The following ATXN1 variants were observed in gnomAD, a reference collection of about 807,000 sequenced individuals.
ATXN1 encodes the protein ataxin-1.
In ATXN1, 8 loss-of-function variants were observed where a neutral mutation model predicts 56.4. The ratio of observed to expected loss-of-function variants is 0.14; its 90% CI spans 0.08 to 0.26. ATXN1 has a LOEUF of 0.26. Among genes scored for constraint, ATXN1 ranks in the 10% least tolerant of loss-of-function variants. The pLI, the probability that ATXN1 is intolerant of heterozygous loss-of-function variation, is 1.00. For synonymous variants in ATXN1, 514 were observed against 494.6 expected, an observed-to-expected ratio of 1.04 and a Z score of -0.52; for missense variants, 987 against 1,106.5, an observed-to-expected ratio of 0.89 and a Z score of 1.53.
At chr6:16,729,191 T>G (rs1708243920) in intron 2 of ATXN1, among the ~76,000 whole-genome samples, 1 of 152,200 alleles carries the variant, frequency 6.6e-6, no homozygotes, top group African/African-American at 2.4e-5. Context: ...GATTAAAAAT[T>G]ATGACCTCTG....
At chr6:16,445,068 TA>T (rs1262816050) in intron 6 of ATXN1, among the ~76,000 whole-genome samples, 4 of 151,944 alleles carry the variant, frequency 2.6e-5, no homozygotes, top group Non-Finnish European at 5.9e-5. Context: ...TGATACCGAG[TA>T]GTGTAAAAGA....
At chr6:16,735,057 C>CAATG (rs1384299921) in intron 2 of ATXN1, among the ~76,000 whole-genome samples, 3 of 152,110 alleles carry the variant, frequency 2.0e-5, no homozygotes, top group Non-Finnish European at 4.4e-5. Flanking sequence ...GCAAGTTCTA[C>CAATG]AATGACACAG....
At chr6:16,524,680 C>A (rs1761357182) in intron 4 of ATXN1, among the ~76,000 whole-genome samples, 1 of 152,220 alleles carries the variant, frequency 6.6e-6, no homozygotes, top group South Asian at 2.1e-4. Context: ...AAGGCATTAT[C>A]ACCATTTGGC....
chr6:16,576,614 G>A (rs557442137), intron 4 of ATXN1, among the ~76,000 whole-genome samples: 87 of 152,258 alleles, frequency 5.7e-4, no homozygotes, highest in African/African-American at 2.0e-3. Context: ...AAATACTGCC[G>A]AAAGGAATTT....
chr6:16,682,530 A>G (rs1047799316), intron 2 of ATXN1, among the ~76,000 whole-genome samples: 8 of 152,084 alleles, frequency 5.3e-5, no homozygotes, highest in African/African-American at 1.9e-4. Flanking sequence ...ATAGACTTAC[A>G]TGTTTGAGGA....
chr6:16,444,794 G>T (rs186355624), intron 6 of ATXN1, among the ~76,000 whole-genome samples: 1 of 152,282 alleles, frequency 6.6e-6, no homozygotes, highest in Non-Finnish European at 1.5e-5. Flanking sequence ...CAGTCTCACT[G>T]CAAAAAGAGA....
chr6:16,477,006 CTT>C (rs1760339176), intron 6 of ATXN1, among the ~76,000 whole-genome samples: 1 of 152,190 alleles, frequency 6.6e-6, no homozygotes, highest in Non-Finnish European at 1.5e-5. Flanking sequence ...TACAAAAACT[CTT>C]TTAGTCGTGA....
chr6:16,475,379 T>C (rs1322200332), intron 6 of ATXN1, among the ~76,000 whole-genome samples: 2 of 152,248 alleles, frequency 1.3e-5, no homozygotes, highest in African/African-American at 4.8e-5. Flanking sequence ...TGCTCACCTG[T>C]TCACTTCAGC....
At chr6:16,690,068 GT>G (rs963416937) in intron 2 of ATXN1, among the ~76,000 whole-genome samples, 1 of 151,722 alleles carries the variant, frequency 6.6e-6, no homozygotes, top group Non-Finnish European at 1.5e-5. Context: ...ACTGGGTTGG[GT>G]TTTTTTTAAT....
chr6:16,747,753 T>G (rs998254065), intron 2 of ATXN1, among the ~76,000 whole-genome samples: 2 of 151,226 alleles, frequency 1.3e-5, no homozygotes, highest in Non-Finnish European at 2.9e-5. Flanking sequence ...GAAAGTGATC[T>G]TTCTTCTCTA....
intron 7 of ATXN1, among the ~76,000 whole-genome samples, chr6:16,315,494 T>C (rs1294254885): frequency 1.3e-5 from 2 of 152,156 alleles, no homozygotes; most frequent in Non-Finnish European, 2.9e-5. Flanking sequence ...GCAACAGTGG[T>C]CTCCTTGCTG....
intron 4 of ATXN1, among the ~76,000 whole-genome samples, chr6:16,570,300 T>G (rs1026579941): frequency 6.6e-6 from 1 of 152,210 alleles, no homozygotes; most frequent in African/African-American, 2.4e-5. Context: ...CTCTTATTCC[T>G]TCTAATCTAT....
At chr6:16,675,143 G>A (rs1407736249) in intron 2 of ATXN1, among the ~76,000 whole-genome samples, 1 of 152,170 alleles carries the variant, frequency 6.6e-6, no homozygotes, top group East Asian at 1.9e-4. Flanking sequence ...TTGTAGATTG[G>A]TGACTTTATA....
At chr6:16,595,071 C>T (rs1762791175) in intron 3 of ATXN1, among the ~76,000 whole-genome samples, 1 of 152,112 alleles carries the variant, frequency 6.6e-6, no homozygotes, top group South Asian at 2.1e-4. Flanking sequence ...TGCCAGGGGC[C>T]AAAACCACCC....
At chr6:16,610,689 A>C (rs1304022072) in intron 3 of ATXN1, among the ~76,000 whole-genome samples, 1 of 152,148 alleles carries the variant, frequency 6.6e-6, no homozygotes, top group South Asian at 2.1e-4. Flanking sequence ...TTAATTTTAA[A>C]CAATAAAGAA....
At chr6:16,311,552 T>C (rs1760390610) in intron 7 of ATXN1, among the ~76,000 whole-genome samples, 1 of 152,234 alleles carries the variant, frequency 6.6e-6, no homozygotes, top group African/African-American at 2.4e-5. Context: ...AGTTACCCTG[T>C]ACAAGTGTGT....
intron 6 of ATXN1, among the ~76,000 whole-genome samples, chr6:16,345,737 G>T (rs1761367960): frequency 6.6e-6 from 1 of 152,138 alleles, no homozygotes; most frequent in Non-Finnish European, 1.5e-5. Flanking sequence ...TCACTAGCAA[G>T]ATGGACAATG....
intron 6 of ATXN1, among the ~76,000 whole-genome samples, chr6:16,343,878 T>C (rs1761314632): frequency 6.6e-6 from 1 of 152,192 alleles, no homozygotes; most frequent in Non-Finnish European, 1.5e-5. Context: ...AAGCCTCAAA[T>C]ATGCCTGCTG....
intron 2 of ATXN1, among the ~76,000 whole-genome samples, chr6:16,745,353 T>A (rs147731257): frequency 6.6e-6 from 1 of 152,146 alleles, no homozygotes; most frequent in African/African-American, 2.4e-5. Context: ...CCAAAAATGA[T>A]AGGAAACTTA....
Sources: allele counts gnomAD v4.1 joint callset (sites outside exome capture counted in the v4.1 genomes callset), GRCh38; gene constraint gnomAD v4.1.1; transcripts MANE v1.5; gene names NCBI Gene and HGNC (gene_info 2026-07-23, HGNC 2026-07-21).